KDM4A: variants seen among roughly 807,000 people sequenced by gnomAD.
KDM4A encodes lysine-specific demethylase 4A.
Under a neutral mutation model 127.1 loss-of-function variants are expected in KDM4A, and 23 were observed. The observed-to-expected ratio is 0.18, with a 90% CI of 0.13 to 0.26. The LOEUF (loss-of-function observed/expected upper bound fraction) is 0.26. KDM4A is among the 10% of genes least tolerant of loss of function. The probability of loss-of-function intolerance (pLI) is 1.00; values close to 1 mark genes in which losing one functional copy is unlikely to be tolerated. For missense variants in KDM4A, 890 were observed against 1,329.1 expected (o/e 0.67, Z 5.14); for synonymous variants, 443 against 466.5 (o/e 0.95, Z 0.65).
chr1:43,670,848 ACCATGCCTGGC>A (rs1195549356), intron 10 of KDM4A, among the ~76,000 whole-genome samples: 2 of 152,080 alleles, frequency 1.3e-5, no homozygotes, highest in Admixed American at 6.5e-5. Flanking sequence ...GCAGTGAGCC[ACCATGCCTGGC>A]CCATGCCTGG....
intron 4 of KDM4A, among the ~76,000 whole-genome samples, chr1:43,661,686 CA>C (rs1264867150): frequency 6.8e-6 from 1 of 147,178 alleles, no homozygotes; most frequent in African/African-American, 2.5e-5. Context: ...CAGGGAAAGT[CA>C]GTCTTGTAGG....
chr1:43,672,695 C>T lies in KDM4A; in HGVS notation c.1734+820C>T, dbSNP rs377666370. Among the ~76,000 whole-genome samples, 93 of 152,136 alleles carry T rather than the reference C, an allele frequency of 6.1e-4. 1 individual carries two copies. The highest frequency in any genetic ancestry group is 1.7e-3 in the African/African-American group (72 of 41,478). ...ATTTTTAGTAGAGACTGGGTTTCACCGTGTTAGCCAGGATGGTCTCGATTT... is the reference window on the plus strand; with the variant it reads ...ATTTTTAGTAGAGACTGGGTTTCACTGTGTTAGCCAGGATGGTCTCGATTT... On this transcript the variant is annotated intron_variant, in intron 11 of 21. Transcript: ENST00000372396.
rs1475229358 is a variant in KDM4A at position 43,704,422 on chromosome 1, G to C, written c.*52G>C. 1 of 1,564,410 alleles carries C rather than the reference G, an allele frequency of 6.4e-7. No individual in the cohort carries two copies. The highest frequency in any genetic ancestry group is 8.7e-7 in the Non-Finnish European group (1 of 1,150,370). ...AGCCATCCAGGCAAGAGCACTCTGGGTTCCACAGCACAGCAGACATGGAAC... is the reference window on the plus strand; with the variant it reads ...AGCCATCCAGGCAAGAGCACTCTGGCTTCCACAGCACAGCAGACATGGAAC... On this transcript the variant is annotated 3_prime_UTR_variant, in exon 22 of 22. Transcript: ENST00000372396.
intron 19 of KDM4A, 79 bp downstream of exon 19, chr1:43,698,092 A>G: frequency 7.2e-7 from 1 of 1,382,144 alleles, no homozygotes; most frequent in Non-Finnish European, 1.0e-6. Flanking sequence ...CTGTGTGTGT[A>G]TGCCTGCTTC....
At chr1:43,679,972 G>A (rs372647135) in intron 11 of KDM4A, among the ~76,000 whole-genome samples, 1 of 152,232 alleles carries the variant, frequency 6.6e-6, no homozygotes, top group African/African-American at 2.4e-5. Context: ...TATTACTACC[G>A]TTTTACTGGT....
rs986351864 is a variant in KDM4A at position 43,657,210 on chromosome 1, A to AT, written c.314+1455dup. Among the ~76,000 whole-genome samples, 801 of 145,112 alleles carry AT rather than the reference A, an allele frequency of 5.5e-3. 8 individuals are homozygous for AT. Among genetic ancestry groups the AT allele is most frequent in the South Asian group, 0.02 (92 of 4,604 alleles). ...GCTGACACCTTAACTCCTTTTATTTATTTTTTTTTTTGAGACAGAATCTCG... is the reference window on the plus strand; with the variant it reads ...GCTGACACCTTAACTCCTTTTATTTATTTTTTTTTTTTGAGACAGAATCTCG... On this transcript the variant is annotated intron_variant, in intron 3 of 21. Coordinates refer to ENST00000372396, the MANE Select transcript of KDM4A (RefSeq NM_014663.3).
At chr1:43,655,137 A>G (rs1266825180) in intron 2 of KDM4A, among the ~76,000 whole-genome samples, 1 of 152,226 alleles carries the variant, frequency 6.6e-6, no homozygotes, top group Non-Finnish European at 1.5e-5. Flanking sequence ...GGCATGAGCC[A>G]CTGTGCCCGG....
intron 11 of KDM4A, among the ~76,000 whole-genome samples, chr1:43,679,276 C>A (rs1211873227): frequency 1.3e-5 from 2 of 152,160 alleles, no homozygotes; most frequent in Admixed American, 6.5e-5. Flanking sequence ...GAGTTACCAG[C>A]ACGGTCCAGA....
intron 19 of KDM4A, 28 bp downstream of exon 19, chr1:43,698,041 A>G: frequency 6.2e-7 from 1 of 1,604,156 alleles, no homozygotes; most frequent in South Asian, 1.1e-5. Flanking sequence ...CTTCTCAGGC[A>G]GTTTGGAATG....
At chr1:43,682,103 G>A (rs1410147870) in intron 11 of KDM4A, among the ~76,000 whole-genome samples, 1 of 152,064 alleles carries the variant, frequency 6.6e-6, no homozygotes, top group Non-Finnish European at 1.5e-5. Context: ...TGAGTAGCTG[G>A]GACTACAGGT....
At position 43,691,346 on chromosome 1, in the gene KDM4A, T is replaced by G. The variant is rs528389961; in HGVS notation, c.2243-150T>G. 2.4e-5 allele frequency: 18 copies of G among 739,952 alleles called. No homozygotes were observed. The South Asian group carries it at 2.9e-4, about 12-fold the overall frequency. 45.8% of individuals were successfully genotyped at this position (739,952 alleles called of 1,614,324 possible). On this transcript the variant is annotated intron_variant, in intron 14 of 21. Transcript: ENST00000372396. ...GAGACTTTGAGCCATACTGTATGCC[T>G]GAGCCCTGGGGACTCAGACTAAAGA...
At chr1:43,675,357 T>G (rs1255399789) in intron 11 of KDM4A, among the ~76,000 whole-genome samples, 1 of 152,212 alleles carries the variant, frequency 6.6e-6, no homozygotes, top group Non-Finnish European at 1.5e-5. Flanking sequence ...CAGTACTTAA[T>G]GATACGTGTT....
chr1:43,685,763 CTCA>C (rs1420941645), intron 12 of KDM4A, among the ~76,000 whole-genome samples: 1 of 89,100 alleles, frequency 1.1e-5, no homozygotes, highest in Non-Finnish European at 2.8e-5. Flanking sequence ...GAGTCTCTGT[CTCA>C]ACAACAACAA....
chr1:43,700,053 A>G (rs949047561), intron 19 of KDM4A: 2 of 151,622 alleles, frequency 1.3e-5, no homozygotes, highest in South Asian at 2.1e-4. Flanking sequence ...GATTCAATCT[A>G]TTGTGATACA....
intron 18 of KDM4A, 106 bp from the exon 19 acceptor site, chr1:43,697,737 C>G (rs973461655): frequency 2.7e-6 from 3 of 1,102,264 alleles, no homozygotes; most frequent in African/African-American, 3.1e-5. Context: ...TTTTACTTTC[C>G]CATGCTTATC....
At chr1:43,682,359 G>A (rs1660877742) in intron 11 of KDM4A, among the ~76,000 whole-genome samples, 1 of 152,212 alleles carries the variant, frequency 6.6e-6, no homozygotes, top group South Asian at 2.1e-4. Flanking sequence ...GGAGGCTCCT[G>A]AGGTGCTTTC....
chr1:43,680,495 CACAA>C (rs1437735989), intron 11 of KDM4A, among the ~76,000 whole-genome samples: 10 of 152,180 alleles, frequency 6.6e-5, no homozygotes, highest in Admixed American at 1.3e-4. Flanking sequence ...AACAAGGTAC[CACAA>C]ACACAGAGGC....
chr1:43,661,225 T>G (rs1660368701), intron 4 of KDM4A, among the ~76,000 whole-genome samples: 1 of 152,024 alleles, frequency 6.6e-6, no homozygotes, highest in Admixed American at 6.5e-5. Flanking sequence ...TCCACCTGCC[T>G]CAGCCTCCCA....
chr1:43,667,174 ATTTC>A lies in KDM4A; in HGVS notation c.915+87_915+90del. 2.0e-6 allele frequency: 3 copies of A among 1,482,744 alleles called. No individual in the cohort carries two copies. In the East Asian group the frequency reaches 6.8e-5, roughly 34 times the overall value. The allele number at this position is 1,482,744 out of a possible 1,614,324, so 91.8% of individuals were successfully genotyped here. A position where few individuals can be genotyped will look rare whatever the true frequency, so the allele number is the denominator to read the frequency against. ...AGATACGTTGGCTGGTGATTAGAGT[ATTTC>A]TTTGAGCTGCTGGAATTCAGAAACA... On this transcript the variant is annotated intron_variant, in intron 8 of 21. Transcript: ENST00000372396.
Sources: gnomAD v4.1 joint callset for allele counts (sites outside exome capture counted in the v4.1 genomes callset) on GRCh38, gnomAD v4.1.1 for gene constraint, MANE v1.5 for transcripts, NCBI Gene and HGNC (gene_info 2026-07-23, HGNC 2026-07-21) for gene names.